The following BMPER variants were observed in gnomAD, a reference collection of about 807,000 sequenced individuals.
The protein encoded by BMPER is BMP binding endothelial regulator.
BMPER carries 45 observed loss-of-function variants against 87.3 expected under a neutral mutation model. The observed-to-expected ratio is 0.52, with a 90% CI of 0.41 to 0.66. BMPER has a LOEUF of 0.66. Ranked by LOEUF, BMPER falls within the 30% of genes least tolerant of loss-of-function variation. BMPER has a pLI of 0.00. For synonymous variants in BMPER, 326 were observed against 316.2 expected (o/e 1.03, Z -0.33); for missense variants, 784 against 867.5 (o/e 0.90, Z 1.21).
At chr7:34,103,549 C>A (rs1169941377) in intron 13 of BMPER, among the ~76,000 whole-genome samples, 1 of 152,150 alleles carries the variant, frequency 6.6e-6, no homozygotes, top group Non-Finnish European at 1.5e-5. Flanking sequence ...TCAAGTGACT[C>A]CCCTAGCATC....
intron 7 of BMPER, among the ~76,000 whole-genome samples, chr7:34,048,525 A>G (rs1321208118): frequency 2.6e-5 from 4 of 152,170 alleles, no homozygotes; most frequent in African/African-American, 9.7e-5. Context: ...ACAAATCATC[A>G]TGCTGTGGGC....
chr7:34,131,259 T>A (rs1476500375), intron 13 of BMPER, among the ~76,000 whole-genome samples: 2 of 152,092 alleles, frequency 1.3e-5, no homozygotes, highest in Admixed American at 6.5e-5. Context: ...TAGCACCCTG[T>A]TTAGGTCCAG....
chr7:33,986,251 T>C (rs763211834), intron 6 of BMPER, among the ~76,000 whole-genome samples: 42 of 152,164 alleles, frequency 2.8e-4, no homozygotes, highest in Admixed American at 1.5e-3. Flanking sequence ...AGAATCCCCC[T>C]ACTCTCCAAG....
intron 13 of BMPER, among the ~76,000 whole-genome samples, chr7:34,088,335 G>C (rs972566430): frequency 6.6e-6 from 1 of 152,218 alleles, no homozygotes; most frequent in African/African-American, 2.4e-5. Flanking sequence ...AGTCCAACAG[G>C]AGGATGCACC....
chr7:34,072,119 G>A (rs1788750112), intron 11 of BMPER, among the ~76,000 whole-genome samples: 1 of 152,140 alleles, frequency 6.6e-6, no homozygotes, highest in South Asian at 2.1e-4. Context: ...AAAAAATTAG[G>A]GTATGAATAT....
chr7:34,073,972 G>A (rs2127971552), intron 11 of BMPER, among the ~76,000 whole-genome samples: 1 of 152,370 alleles, frequency 6.6e-6, no homozygotes, highest in Admixed American at 6.5e-5. Flanking sequence ...CCAGCACTGG[G>A]CTCCATGGCA....
chr7:33,918,079 G>A (rs770176729), intron 2 of BMPER, among the ~76,000 whole-genome samples: 7 of 152,096 alleles, frequency 4.6e-5, no homozygotes, highest in African/African-American at 1.2e-4. Flanking sequence ...GGCCTCAAGC[G>A]ATCCTCCTGC....
chr7:33,928,482 T>C (rs1784410633), intron 2 of BMPER, among the ~76,000 whole-genome samples: 1 of 151,932 alleles, frequency 6.6e-6, no homozygotes. Context: ...TTTTTTTGTG[T>C]TCTGCCATCT....
intron 11 of BMPER, among the ~76,000 whole-genome samples, chr7:34,071,970 C>T (rs60569104): frequency 0.076 from 11,514 of 152,120 alleles, 610 homozygotes; most frequent in African/African-American, 0.15. Flanking sequence ...GCTCTGTGAC[C>T]CCAGCTAGTT....
Position 34,051,139 on chromosome 7 carries a change from C to T in BMPER, c.677-722C>T, listed in dbSNP as rs1448487387. Among the ~76,000 whole-genome samples the T allele has an allele frequency of 3.3e-5, 5 of 152,106 alleles. No individual in the cohort carries two copies. The South Asian group carries it at 6.2e-4, about 19-fold the overall frequency. On this transcript the variant is annotated intron_variant, in intron 7 of 14. Coordinates refer to ENST00000649409, the MANE Select transcript of BMPER (RefSeq NM_001365308.1). ...GTTGTCACGTCGTGGTGAGGGTTCT[C>T]TCTGGAGCCTCTTTTATAAGGGCAC...
intron 3 of BMPER, among the ~76,000 whole-genome samples, chr7:33,965,446 C>G (rs912611619): frequency 6.6e-6 from 1 of 151,952 alleles, no homozygotes; most frequent in Non-Finnish European, 1.5e-5. Flanking sequence ...AGGAGTGAGT[C>G]TCTCTTCTGT....
intron 13 of BMPER, among the ~76,000 whole-genome samples, chr7:34,097,184 G>T (rs1043214822): frequency 1.3e-5 from 2 of 152,224 alleles, no homozygotes; most frequent in Non-Finnish European, 2.9e-5. Flanking sequence ...TGGACAAAAA[G>T]AGGAGCAGGA....
At chr7:33,963,053 A>G (rs1467356934) in intron 3 of BMPER, among the ~76,000 whole-genome samples, 1 of 152,242 alleles carries the variant, frequency 6.6e-6, no homozygotes, top group South Asian at 2.1e-4. Context: ...TAATTTTCAC[A>G]TGGCACCTGG....
chr7:33,916,149 A>G (rs899920319), intron 2 of BMPER, among the ~76,000 whole-genome samples: 10 of 152,196 alleles, frequency 6.6e-5, no homozygotes, highest in African/African-American at 2.2e-4. Flanking sequence ...AATTTTTCTC[A>G]GGGTAGACAA....
chr7:33,953,806 C>T (rs1192214199), intron 3 of BMPER, among the ~76,000 whole-genome samples: 1 of 152,176 alleles, frequency 6.6e-6, no homozygotes, highest in Non-Finnish European at 1.5e-5. Context: ...TTCTCTTTCT[C>T]TCCTCCCCTC....
Position 33,906,873 on chromosome 7 carries a change from A to G in BMPER, c.189A>G (p.Thr63=). Residue 63 remains threonine (T), a synonymous_variant, in exon 2 of 15, where the codon ACA becomes ACG. Transcript: ENST00000649409. The part of the protein sequence containing the change: ...EGEVLQIPFI[T]DNPCIMCVCL... ...AAGTCCTCCAGATTCCATTTATCAC[A>G]GACAACCCTTGCATAATGTGTGTCT... 6.2e-7 allele frequency: 1 copy of G among 1,613,882 alleles called. No individual in the cohort carries two copies. The highest frequency in any genetic ancestry group is 8.5e-7 in the Non-Finnish European group (1 of 1,179,844).
chr7:34,068,543 T>C (rs1305267258), intron 11 of BMPER, among the ~76,000 whole-genome samples: 1 of 150,820 alleles, frequency 6.6e-6, no homozygotes, highest in African/African-American at 2.5e-5. Flanking sequence ...TACAGAGAAG[T>C]GGTGGTTGGT....
intron 6 of BMPER, among the ~76,000 whole-genome samples, chr7:33,983,731 G>A (rs1013012175): frequency 1.3e-5 from 2 of 152,082 alleles, no homozygotes; most frequent in Admixed American, 1.3e-4. Context: ...ACCAACCAGT[G>A]TAATTTTGAG....
At chr7:34,151,035 A>T (rs1051797033) in intron 14 of BMPER, among the ~76,000 whole-genome samples, 3 of 152,136 alleles carry the variant, frequency 2.0e-5, no homozygotes, top group African/African-American at 7.2e-5. Flanking sequence ...AGAAGAATGG[A>T]AGATGGGGTG....
Sources: gnomAD v4.1 joint callset for allele counts (sites outside exome capture counted in the v4.1 genomes callset) on GRCh38, gnomAD v4.1.1 for gene constraint, MANE v1.5 for transcripts, NCBI Gene and HGNC (gene_info 2026-07-23, HGNC 2026-07-21) for gene names.